The following CHD1L variants were observed in gnomAD, a reference collection of about 807,000 sequenced individuals.
CHD1L encodes the protein ATP-dependent chromatin remodeler CHD1L.
In CHD1L, 118 loss-of-function variants were observed where a neutral mutation model predicts 115.9. The ratio of observed to expected loss-of-function variants is 1.02; its 90% CI spans 0.88 to 1.19. The LOEUF is 1.19. Among genes scored for constraint, CHD1L ranks in the 50% most tolerant of loss-of-function variants. The pLI, the probability that CHD1L is intolerant of heterozygous loss-of-function variation, is 0.00. For missense variants in CHD1L, 1,179 were observed against 1,065.3 expected, an observed-to-expected ratio of 1.11 and a Z score of -1.49; for synonymous variants, 411 against 387.1, an observed-to-expected ratio of 1.06 and a Z score of -0.72.
the CHD1L span, chr1:147,224,927 T>C: frequency 1.2e-6 from 2 of 1,614,050 alleles, no homozygotes; most frequent in Non-Finnish European, 1.7e-6. Context: ...ATGTCATCAG[T>C]CCTTTCAAAG....
chr1:147,235,906 A>C, the CHD1L span, among the ~76,000 whole-genome samples: 1 of 152,150 alleles, frequency 6.6e-6, no homozygotes, highest in Non-Finnish European at 1.5e-5. Flanking sequence ...CTTTTGCACA[A>C]GTTTTGCTCA....
At chr1:147,243,939 T>C (rs1194958756) in intron 1 of CHD1L, among the ~76,000 whole-genome samples, 1 of 152,190 alleles carries the variant, frequency 6.6e-6, no homozygotes, top group Non-Finnish European at 1.5e-5. Flanking sequence ...GACTGAAAGA[T>C]GAAGTTGAAT....
At chr1:147,291,252 C>G (rs1407260635) in intron 19 of CHD1L, among the ~76,000 whole-genome samples, 2 of 152,052 alleles carry the variant, frequency 1.3e-5, no homozygotes, top group African/African-American at 4.8e-5. Flanking sequence ...TACAGGGGTA[C>G]TTTGTTGTTA....
the CHD1L span, among the ~76,000 whole-genome samples, chr1:147,177,564 A>G: frequency 6.6e-6 from 1 of 152,188 alleles, no homozygotes; most frequent in Non-Finnish European, 1.5e-5. Context: ...CAAGGCTAAC[A>G]TCTCTAGTAT....
the CHD1L span, among the ~76,000 whole-genome samples, chr1:147,188,750 C>T: frequency 6.7e-6 from 1 of 148,286 alleles, no homozygotes; most frequent in East Asian, 2.0e-4. Flanking sequence ...TAAATATTTA[C>T]TATTTCAGAA....
intron 19 of CHD1L, among the ~76,000 whole-genome samples, chr1:147,291,080 G>A (rs996121057): frequency 4.6e-5 from 7 of 152,016 alleles, no homozygotes; most frequent in African/African-American, 1.7e-4. Context: ...ATTTGGATGG[G>A]GTAGGAAAAT....
intron 12 of CHD1L, among the ~76,000 whole-genome samples, chr1:147,274,177 C>T (rs1677372951): frequency 2.0e-5 from 3 of 152,200 alleles, no homozygotes; most frequent in Admixed American, 2.0e-4. Flanking sequence ...CCCTTACCCT[C>T]CCTTTCAACA....
At chr1:147,208,564 T>C in the CHD1L span, 8 of 261,712 alleles carry the variant, frequency 3.1e-5, no homozygotes, top group Non-Finnish European at 5.3e-5. Flanking sequence ...CTCAGCCTCC[T>C]GAATAGCTGG....
the CHD1L span, chr1:147,173,000 G>C: frequency 6.6e-6 from 1 of 152,448 alleles, no homozygotes; most frequent in African/African-American, 2.4e-5. Flanking sequence ...AGTGGTCATT[G>C]CTGGAGGTTA....
rs781870339 is a variant in CHD1L at position 147,256,570 on chromosome 1, G to A, written c.494+8G>A. 1.9e-6 allele frequency: 3 copies of A among 1,611,864 alleles called. No homozygotes were observed. The South Asian group carries it at 3.3e-5, about 18-fold the overall frequency. On this transcript the variant is annotated splice_region_variant and intron_variant, in intron 5 of 22. Transcript: ENST00000369258. ...TGCATCATTTCTAAAATCGTGAGTA[G>A]GTTGTACTATTTAAGAACTTGGGTT...
At chr1:147,268,930 G>C in intron 10 of CHD1L, 52 bp downstream of exon 10, 1 of 1,389,080 alleles carries the variant, frequency 7.2e-7, no homozygotes, top group South Asian at 1.2e-5. Context: ...GTTAAAACCT[G>C]ACTATTGAGG....
In CHD1L at chr1:147,268,837, G is replaced by T; in HGVS notation, c.1044G>T (p.Lys348Asn). Residue 348 changes from lysine (K) to asparagine (N), a missense_variant, in exon 10 of 23, where the codon AAG (lysine) becomes AAT (asparagine). By Grantham distance (94) the Lys-to-Asn change is moderately conservative (BLOSUM62 0). Transcript: ENST00000369258. ...ACCACCTGACTGAGGCTAGTGGGAA[G>T]CTTCACCTGCTGGATAAGCTACTAG... ...VGDHLTEASG[K>N]LHLLDKLLAF... The T allele has an allele frequency of 6.2e-7, 1 of 1,613,768 alleles. No individual in the cohort carries two copies. The highest frequency in any genetic ancestry group is 8.5e-7 in the Non-Finnish European group (1 of 1,179,764).
At chr1:147,235,515 C>T in the CHD1L span, among the ~76,000 whole-genome samples, 1 of 152,072 alleles carries the variant, frequency 6.6e-6, no homozygotes, top group Non-Finnish European at 1.5e-5. Context: ...TTAGACATGC[C>T]ATTTTTGAGC....
At chr1:147,278,329 A>G (rs1219010093) in intron 14 of CHD1L, among the ~76,000 whole-genome samples, 3 of 146,432 alleles carry the variant, frequency 2.0e-5, no homozygotes, top group African/African-American at 7.6e-5. Context: ...GGTTCAAGCA[A>G]TTCTCCTGCC....
At chr1:147,225,254 C>A in the CHD1L span, 1 of 1,230,520 alleles carries the variant, frequency 8.1e-7, no homozygotes, top group Non-Finnish European at 1.1e-6. Context: ...AGACCCAGAG[C>A]TGAGAGTGCT....
At chr1:147,224,045 G>A in the CHD1L span, 8 of 403,994 alleles carry the variant, frequency 2.0e-5, no homozygotes, top group African/African-American at 1.5e-4. Context: ...GGATCCCATC[G>A]AGCTGGTTGT....
chr1:147,233,143 C>T, the CHD1L span, among the ~76,000 whole-genome samples: 9 of 151,862 alleles, frequency 5.9e-5, no homozygotes, highest in African/African-American at 1.2e-4. Flanking sequence ...CGCCTCTGCC[C>T]GGCTGCGACC....
the CHD1L span, chr1:147,187,052 C>T: frequency 3.1e-6 from 5 of 1,614,010 alleles, no homozygotes; most frequent in African/African-American, 1.3e-5. Context: ...GCTTTTCGAG[C>T]CCCATCCCAC....
chr1:147,248,692 T>C (rs1387385176), intron 1 of CHD1L, among the ~76,000 whole-genome samples: 1 of 152,238 alleles, frequency 6.6e-6, no homozygotes, highest in Non-Finnish European at 1.5e-5. Flanking sequence ...TACAGTGTTT[T>C]TTAGTTTATC....
Sources: gnomAD v4.1 joint callset for allele counts (sites outside exome capture counted in the v4.1 genomes callset) on GRCh38, gnomAD v4.1.1 for gene constraint, MANE v1.5 for transcripts, NCBI Gene and HGNC (gene_info 2026-07-23, HGNC 2026-07-21) for gene names.